Variants in SCN10A observed in about 807,000 individuals in gnomAD.
SCN10A encodes the protein sodium channel protein type 10 subunit alpha.
SCN10A carries 162 observed loss-of-function variants against 170.7 expected under a neutral mutation model. That is an observed-to-expected ratio of 0.95 (90% CI 0.84 to 1.08). The LOEUF is 1.08. Among genes scored for constraint, SCN10A ranks in the 50% least tolerant of loss-of-function variants. The pLI is 0.00. For synonymous variants in SCN10A, 985 were observed against 904.6 expected, an observed-to-expected ratio of 1.09 and a Z score of -1.59; for missense variants, 2,527 against 2,436.9, an observed-to-expected ratio of 1.04 and a Z score of -0.78.
intron 13 of SCN10A, among the ~76,000 whole-genome samples, 188 bp from the exon 14 acceptor site, chr3:38,742,717 A>T (rs905414829): frequency 1.3e-5 from 2 of 152,104 alleles, no homozygotes; most frequent in African/African-American, 4.8e-5. Flanking sequence ...ACTCCAATTA[A>T]TATCTGCCCC....
rs2063459613 is a variant in SCN10A, at chr3:38,726,741, G to C, written c.2952C>G (p.His984Gln). 1 of 1,612,934 alleles carries C rather than the reference G, an allele frequency of 6.2e-7. No homozygotes were observed. The highest frequency in any genetic ancestry group is 1.3e-5 in the African/African-American group (1 of 74,904). ...CAGTCGGATTAGCGATGAAGTCACT[G>C]TGCTCATCCCTGGGGCCTCTGGGAG... is the stretch of plus-strand genomic sequence containing the variant. Reference protein sequence around the residue: ...LQAPRGPRDEHSDFIANPTVW... With the variant: ...LQAPRGPRDEQSDFIANPTVW... The change falls in exon 17 of 28, where the codon CAC becomes CAG. Residue 984 changes from histidine (H) to glutamine (Q), a missense_variant. His to Gln is a conservative substitution (Grantham distance 24). Coordinates refer to ENST00000449082, the MANE Select transcript of SCN10A (RefSeq NM_006514.4).
chr3:38,713,785 G>A (rs1007799620), intron 22 of SCN10A, among the ~76,000 whole-genome samples, 173 bp downstream of exon 22: 1 of 152,132 alleles, frequency 6.6e-6, no homozygotes, highest in Non-Finnish European at 1.5e-5. Context: ...ACACCTCGTG[G>A]TGGTAGTGAT....
chr3:38,742,553 C>G (rs769153572), intron 13 of SCN10A, 24 bp from the exon 14 acceptor site: 38 of 1,588,234 alleles, frequency 2.4e-5, no homozygotes, highest in Non-Finnish European at 3.0e-5. Context: ...TGGTCAATGA[C>G]AGCTGTCAGC....
chr3:38,709,896 G>C (rs1575934883), intron 24 of SCN10A, among the ~76,000 whole-genome samples: 1 of 152,076 alleles, frequency 6.6e-6, no homozygotes, highest in African/African-American at 2.4e-5. Context: ...ATCACCAAGG[G>C]ACAGGGAAAC....
chr3:38,769,287 G>A (rs1196821228), intron 5 of SCN10A, among the ~76,000 whole-genome samples: 3 of 130,456 alleles, frequency 2.3e-5, no homozygotes, highest in Non-Finnish European at 4.7e-5. Context: ...TGCCCAGGCT[G>A]GAGTGCAATG....
Position 38,714,293 on chromosome 3 carries a change from T to C in SCN10A, c.3682-213A>G, listed in dbSNP as rs576845470. Among the ~76,000 whole-genome samples, 6 of 152,262 alleles carry C rather than the reference T, an allele frequency of 3.9e-5. No individual in the cohort carries two copies. In the East Asian group the frequency reaches 7.7e-4, roughly 20 times the overall value. ...TTTTATTCACCACTCTCTTAAACAA[T>C]CTGGGCAAGAAAAACTCAGTCTCTA... On this transcript the variant is annotated intron_variant, in intron 21 of 27. Transcript: ENST00000449082.
chr3:38,760,037 T>C (rs907744062), intron 8 of SCN10A, among the ~76,000 whole-genome samples: 1 of 152,248 alleles, frequency 6.6e-6, no homozygotes, highest in African/African-American at 2.4e-5. Context: ...GGGTAGATTA[T>C]TTATTAAAAT....
intron 4 of SCN10A, among the ~76,000 whole-genome samples, chr3:38,783,121 T>C (rs2064158516): frequency 6.6e-6 from 1 of 152,120 alleles, no homozygotes; most frequent in Non-Finnish European, 1.5e-5. Flanking sequence ...TCTACTCTTG[T>C]GACTTCATTT....
chr3:38,756,042 G>T (rs2063800744), intron 10 of SCN10A, 84 bp from the exon 11 acceptor site: 11 of 1,460,118 alleles, frequency 7.5e-6, no homozygotes, highest in African/African-American at 6.9e-5. Flanking sequence ...GGGTGCCAGG[G>T]GTGAGAGATC....
chr3:38,775,731 C>T (rs1444862661), intron 4 of SCN10A, among the ~76,000 whole-genome samples: 1 of 152,076 alleles, frequency 6.6e-6, no homozygotes, highest in East Asian at 1.9e-4. Flanking sequence ...GCTCGTATAC[C>T]TAACAGTCAT....
At chr3:38,750,465 T>C (rs2063736170) in intron 12 of SCN10A, among the ~76,000 whole-genome samples, 1 of 152,246 alleles carries the variant, frequency 6.6e-6, no homozygotes, top group African/African-American at 2.4e-5. Context: ...TATTGCTGAA[T>C]ACTGTAAGTA....
intron 14 of SCN10A, among the ~76,000 whole-genome samples, chr3:38,741,289 A>AACAC (rs60874265): frequency 0.17 from 25,577 of 146,626 alleles, 2,217 homozygotes; most frequent in Middle Eastern, 0.23. Flanking sequence ...CGTGTGTTTG[A>AACAC]ACACACACAC....
Position 38,788,276 on chromosome 3 carries a change from G to A in SCN10A, c.470+680C>T, listed in dbSNP as rs79788213. ...AAAGCACCTGTTATTATAACCAAAG[G>A]TATGTTAGGTTCAAGCTGGAGTGGA... On this transcript the variant is annotated intron_variant, in intron 4 of 27. Transcript: ENST00000449082. Among the ~76,000 whole-genome samples the A allele has an allele frequency of 5.0e-3, 744 of 149,788 alleles. 3 individuals carry two copies. Among genetic ancestry groups the A allele is most frequent in the Middle Eastern group, 0.011 (3 of 278 alleles).
At chr3:38,759,403 C>T (rs1490298612) in intron 8 of SCN10A, among the ~76,000 whole-genome samples, 1 of 152,056 alleles carries the variant, frequency 6.6e-6, no homozygotes, top group Non-Finnish European at 1.5e-5. Flanking sequence ...CTCGTATTCA[C>T]CCAGCCTGGA....
In SCN10A at chr3:38,792,050, G is replaced by C; in HGVS notation, c.389C>G (p.Ser130Trp). Residue 130 changes from serine (S) to tryptophan (W), a missense_variant and splice_region_variant, in exon 3 of 28, where the codon TCG (serine) becomes TGG (tryptophan). Physicochemically the swap from Ser to Trp is radical, Grantham distance 177. Coordinates refer to ENST00000449082, the MANE Select transcript of SCN10A (RefSeq NM_006514.4). ...GAAGAGGCAATCGTGCAAAGGATAT[G>C]AGTGGACAGACACTTTGATGGCCGT... ...RRTAIKVSVH[S>W]WFSLFITVTI... The C allele has an allele frequency of 8.1e-6, 13 of 1,613,598 alleles. No individual in the cohort carries two copies. The highest frequency in any genetic ancestry group is 1.1e-5 in the South Asian group (1 of 91,052).
chr3:38,722,122 G>T, intron 20 of SCN10A, 136 bp downstream of exon 20: 2 of 850,364 alleles, frequency 2.4e-6, no homozygotes, highest in Non-Finnish European at 1.8e-6. Context: ...CTGGGCTGCA[G>T]CTCTCCTTCT....
intron 1 of SCN10A, among the ~76,000 whole-genome samples, chr3:38,814,958 T>C (rs1332012268): frequency 6.6e-6 from 1 of 152,246 alleles, no homozygotes; most frequent in Non-Finnish European, 1.5e-5. Flanking sequence ...CCCTGCTTCA[T>C]TTTGCAAGTC....
intron 1 of SCN10A, among the ~76,000 whole-genome samples, chr3:38,797,429 C>T (rs1282400550): frequency 6.6e-6 from 1 of 152,158 alleles, no homozygotes; most frequent in Admixed American, 6.5e-5. Context: ...TCTTCCTCTC[C>T]TCCTGCCTAT....
At chr3:38,717,954 G>T (rs2063349793) in intron 21 of SCN10A, among the ~76,000 whole-genome samples, 1 of 152,248 alleles carries the variant, frequency 6.6e-6, no homozygotes, top group Non-Finnish European at 1.5e-5. Flanking sequence ...GAAGCACACA[G>T]TCAATTCTCT....
Sources: allele counts gnomAD v4.1 joint callset (sites outside exome capture counted in the v4.1 genomes callset), GRCh38; gene constraint gnomAD v4.1.1; transcripts MANE v1.5; gene names NCBI Gene and HGNC (gene_info 2026-07-23, HGNC 2026-07-21).